The following THRB variants were observed in gnomAD, a reference collection of about 807,000 sequenced individuals.
THRB encodes the protein nuclear receptor subfamily 1 group A member 2.
In THRB, 12 loss-of-function variants were observed where a neutral mutation model predicts 47.8. The ratio of observed to expected loss-of-function variants is 0.25; its 90% CI spans 0.16 to 0.41. The LOEUF (loss-of-function observed/expected upper bound fraction) is 0.41, where lower values mean the gene tolerates loss of function less well. THRB is among the 10% of genes least tolerant of loss of function. The pLI, the probability that THRB is intolerant of heterozygous loss-of-function variation, is 1.00. For synonymous variants in THRB, 218 were observed against 212.2 expected (o/e 1.03, Z -0.24); for missense variants, 348 against 589.2 (o/e 0.59, Z 4.24).
intron 1 of THRB, among the ~76,000 whole-genome samples, chr3:24,464,498 C>G (rs571050613): frequency 6.6e-6 from 1 of 152,222 alleles, no homozygotes; most frequent in African/African-American, 2.4e-5. Flanking sequence ...TACTTTCAAA[C>G]TTTTTGAGTT....
intron 1 of THRB, among the ~76,000 whole-genome samples, chr3:24,431,356 C>A (rs80290070): frequency 6.7e-6 from 1 of 148,362 alleles, no homozygotes. Flanking sequence ...CAGTATTTAA[C>A]CAAAAAAAGG....
At chr3:24,132,068 C>T (rs1446455212) in intron 9 of THRB, among the ~76,000 whole-genome samples, 1 of 152,166 alleles carries the variant, frequency 6.6e-6, no homozygotes, top group East Asian at 1.9e-4. Flanking sequence ...GTCTCTGTGT[C>T]CCTCTGATTC....
upstream of THRB, chr3:24,494,995 G>A (rs1431970756): frequency 6.6e-6 from 1 of 152,162 alleles, no homozygotes; most frequent in Non-Finnish European, 1.5e-5. Context: ...GCCGCAGCCA[G>A]GGCCGCGCCG....
intron 4 of THRB, among the ~76,000 whole-genome samples, chr3:24,217,124 A>G (rs1201949108): frequency 6.7e-6 from 1 of 149,932 alleles, no homozygotes; most frequent in African/African-American, 2.4e-5. Flanking sequence ...TTTAATTAAT[A>G]TAAGAATGTA....
intron 8 of THRB, among the ~76,000 whole-genome samples, chr3:24,137,149 T>A (rs1476503419): frequency 6.6e-6 from 1 of 152,234 alleles, no homozygotes; most frequent in Non-Finnish European, 1.5e-5. Flanking sequence ...ACCAAAGATA[T>A]GAACTTAAGG....
At chr3:24,450,219 T>C (rs931510256) in intron 1 of THRB, among the ~76,000 whole-genome samples, 2 of 152,220 alleles carry the variant, frequency 1.3e-5, no homozygotes, top group Admixed American at 6.5e-5. Flanking sequence ...CCATGTGATA[T>C]GTATTCATAG....
intron 1 of THRB, among the ~76,000 whole-genome samples, chr3:24,352,579 C>A (rs2063421460): frequency 6.6e-6 from 1 of 152,152 alleles, no homozygotes; most frequent in African/African-American, 2.4e-5. Context: ...AAGCAGCCTG[C>A]AAATTTCAAA....
chr3:24,366,778 A>G (rs1353222457), intron 1 of THRB, among the ~76,000 whole-genome samples: 2 of 151,466 alleles, frequency 1.3e-5, no homozygotes, highest in African/African-American at 4.9e-5. Context: ...ATGCCACCAC[A>G]CCAGGTTAAT....
chr3:24,181,889 A>G (rs1391759205), intron 5 of THRB, among the ~76,000 whole-genome samples: 1 of 152,208 alleles, frequency 6.6e-6, no homozygotes, highest in Non-Finnish European at 1.5e-5. Context: ...ATATTCAGCC[A>G]GTAAGTTTGC....
At chr3:24,323,856 T>C (rs975449424) in intron 2 of THRB, among the ~76,000 whole-genome samples, 4 of 152,252 alleles carry the variant, frequency 2.6e-5, no homozygotes, top group Non-Finnish European at 5.9e-5. Flanking sequence ...AATAGTTCTT[T>C]CAAATGTTTG....
chr3:24,368,739 CA>C (rs762583159), intron 1 of THRB, among the ~76,000 whole-genome samples: 24 of 152,158 alleles, frequency 1.6e-4, no homozygotes, highest in Non-Finnish European at 2.2e-4. Context: ...TGGCAATAGC[CA>C]GAAAGAATAG....
intron 10 of THRB, among the ~76,000 whole-genome samples, chr3:24,125,311 G>A (rs553838128): frequency 6.6e-6 from 1 of 152,320 alleles, no homozygotes; most frequent in East Asian, 1.9e-4. Flanking sequence ...CAAGAGAGGT[G>A]TTAAAGGCAG....
intron 9 of THRB, among the ~76,000 whole-genome samples, chr3:24,127,958 T>TC (rs2033173655): frequency 6.6e-6 from 1 of 152,216 alleles, no homozygotes; most frequent in Non-Finnish European, 1.5e-5. Context: ...ACTGTAATCT[T>TC]CACCAACTTT....
intron 4 of THRB, among the ~76,000 whole-genome samples, chr3:24,207,622 C>A (rs532431907): frequency 1.6e-4 from 25 of 152,198 alleles, no homozygotes; most frequent in African/African-American, 5.5e-4. Flanking sequence ...CCCATTTTTC[C>A]TTCCTATACC....
chr3:24,213,004 G>A (rs537600052), intron 4 of THRB, among the ~76,000 whole-genome samples: 4 of 152,306 alleles, frequency 2.6e-5, no homozygotes, highest in East Asian at 1.9e-4. Flanking sequence ...TTCTTTAAGC[G>A]GAGTGAGCAA....
At chr3:24,247,556 T>C (rs1032159996) in intron 3 of THRB, among the ~76,000 whole-genome samples, 5 of 152,236 alleles carry the variant, frequency 3.3e-5, no homozygotes, top group Admixed American at 3.3e-4. Flanking sequence ...ATCACTAAAC[T>C]TGACTGCATC....
intron 1 of THRB, among the ~76,000 whole-genome samples, chr3:24,399,719 T>C (rs2067252503): frequency 6.6e-6 from 1 of 152,088 alleles, no homozygotes; most frequent in Non-Finnish European, 1.5e-5. Flanking sequence ...TATGTCACTT[T>C]CTCATTTATA....
At chr3:24,376,151 G>A (rs1214162815) in intron 1 of THRB, among the ~76,000 whole-genome samples, 1 of 152,148 alleles carries the variant, frequency 6.6e-6, no homozygotes, top group Non-Finnish European at 1.5e-5. Context: ...GGTTTTAAGT[G>A]TGTCTATAAT....
intron 1 of THRB, among the ~76,000 whole-genome samples, chr3:24,436,968 T>C (rs1310729896): frequency 6.6e-6 from 1 of 151,948 alleles, no homozygotes; most frequent in Non-Finnish European, 1.5e-5. Context: ...TTAAGTCTCA[T>C]TGCAGAGGGT....
Sources: allele counts gnomAD v4.1 joint callset (sites outside exome capture counted in the v4.1 genomes callset), GRCh38; gene constraint gnomAD v4.1.1; transcripts MANE v1.5; gene names NCBI Gene and HGNC (gene_info 2026-07-23, HGNC 2026-07-21).